The following CROCC2 variants were observed in gnomAD, a reference collection of about 807,000 sequenced individuals.
The protein encoded by CROCC2 is ciliary rootlet coiled-coil, rootletin family member 2, also known as ciliary rootlet coiled-coil protein 2.
CROCC2 carries 163 observed loss-of-function variants against 177.6 expected under a neutral mutation model. That is an observed-to-expected ratio of 0.92 (90% CI 0.81 to 1.05). CROCC2 has a LOEUF of 1.05. CROCC2 is among the 50% of genes least tolerant of loss of function. The probability of loss-of-function intolerance (pLI) is 0.00; values close to 1 mark genes in which losing one functional copy is unlikely to be tolerated. For missense variants in CROCC2, 1,929 were observed against 1,797.8 expected (o/e 1.07, Z -1.32); for synonymous variants, 904 against 787.3 (o/e 1.15, Z -2.48).
At chr2:240,932,186 C>T (rs2106460719) in intron 7 of CROCC2, 132 bp from the exon 8 acceptor site, 2 of 614,048 alleles carry the variant, frequency 3.3e-6, no homozygotes, top group Non-Finnish European at 6.0e-6. Context: ...ACAGAGGCCA[C>T]TCAGACGGAG....
chr2:240,981,814 AC>A (rs1412246259), intron 27 of CROCC2: 2 of 151,822 alleles, frequency 1.3e-5, no homozygotes, highest in Non-Finnish European at 2.9e-5. Context: ...CTCCCACAAA[AC>A]CCTCAGGAAG....
intron 30 of CROCC2, among the ~76,000 whole-genome samples, chr2:240,990,985 G>C (rs571560246): frequency 2.3e-4 from 35 of 152,262 alleles, no homozygotes; most frequent in Non-Finnish European, 4.1e-4. Flanking sequence ...GGGATCCGTG[G>C]TGAGAGGTGG....
At chr2:240,914,256 G>A (rs898461908) in intron 1 of CROCC2, among the ~76,000 whole-genome samples, 5 of 152,212 alleles carry the variant, frequency 3.3e-5, no homozygotes, top group African/African-American at 1.2e-4. Context: ...CTGCTGAGCA[G>A]GTGCTCTTGA....
intron 14 of CROCC2, among the ~76,000 whole-genome samples, chr2:240,942,391 T>C (rs1026289418): frequency 6.6e-6 from 1 of 152,230 alleles, no homozygotes. Context: ...ATTACAATAC[T>C]TTTTGGGTCT....
Position 240,935,587 on chromosome 2 carries a change from A to G in CROCC2, c.2168A>G (p.Gln723Arg). ...EKAQLQEQVGQVTCQKQALEE... is the reference protein window; with the variant it reads ...EKAQLQEQVGRVTCQKQALEE... ...GCCCAGCTCCAGGAGCAGGTGGGCC[A>G]GGTGAGGACGTCTGCAGGGCATGCT... The change falls in exon 14 of 32, where the codon CAG becomes CGG. Residue 723 changes from glutamine (Q) to arginine (R), a missense_variant and splice_region_variant. Around this residue, in one of 3 missense-constraint regions of CROCC2, gnomAD observed 1,397 missense variants for 1,239.9 expected, o/e 1.13. Transcript: ENST00000690015. 1 of 1,381,074 alleles carries G rather than the reference A, an allele frequency of 7.2e-7. No individual in the cohort carries two copies. Among genetic ancestry groups the G allele is most frequent in the Non-Finnish European group, 9.4e-7 (1 of 1,068,698 alleles). The allele number at this position is 1,381,074 out of a possible 1,614,324, so 85.6% of individuals were successfully genotyped here. A position where few individuals can be genotyped will look rare whatever the true frequency, so the allele number is the denominator to read the frequency against.
intron 27 of CROCC2, among the ~76,000 whole-genome samples, chr2:240,976,183 C>T (rs13015196): frequency 7.5e-6 from 1 of 133,980 alleles, no homozygotes; most frequent in Non-Finnish European, 1.7e-5. Context: ...AGCCCAGGCT[C>T]ATCCCTGCTC....
At chr2:240,912,531 C>T (rs1420238893) in intron 1 of CROCC2, among the ~76,000 whole-genome samples, 1 of 152,190 alleles carries the variant, frequency 6.6e-6, no homozygotes, top group East Asian at 1.9e-4. Flanking sequence ...GGAGAGGTGC[C>T]CAGGTCAAGG....
intron 5 of CROCC2, among the ~76,000 whole-genome samples, 185 bp from the exon 6 acceptor site, chr2:240,929,981 A>G (rs1308005309): frequency 6.6e-6 from 1 of 152,152 alleles, no homozygotes; most frequent in African/African-American, 2.4e-5. Flanking sequence ...GGGGAGGGGC[A>G]CAGTATGGCC....
At position 240,963,711 on chromosome 2, in the gene CROCC2, A is replaced by G; in HGVS notation, c.3243A>G (p.Val1081=). 6.5e-7 allele frequency: 1 copy of G among 1,550,304 alleles called. No individual in the cohort carries two copies. The highest frequency in any genetic ancestry group is 8.7e-7 in the Non-Finnish European group (1 of 1,146,818). ...ALSDEAREKD[V]LLLFNSELRA... is the part of the protein sequence containing the mutation. ...GTGACGAGGCCCGCGAGAAGGACGT[A>G]CTGTTGCTTTTCAACAGCGAGCTGC... Residue 1081 remains valine (V), a synonymous_variant, in exon 21 of 32, where the codon GTA becomes GTG. Transcript: ENST00000690015.
In CROCC2 at chr2:240,965,469, G is replaced by A. The variant is rs551979649; in HGVS notation, c.3554G>A (p.Arg1185Gln). ...TGCTCGCAGGAGGTGCTGGAGCTGC[G>A]GAGGCAGGCAGCCAAGGCAGAGGCC... Reference protein sequence around the residue: ...AQCSQEVLELRRQAAKAEAKH... With the variant: ...AQCSQEVLELQRQAAKAEAKH... Residue 1185 changes from arginine (R) to glutamine (Q), a missense_variant, in exon 23 of 32, where the codon CGG becomes CAG. Physicochemically the swap from Arg to Gln is conservative, Grantham distance 43. Transcript: ENST00000690015. 73 of 1,550,032 alleles carry A rather than the reference G, an allele frequency of 4.7e-5. 2 individuals carry two copies. Among genetic ancestry groups the A allele is most frequent in the South Asian group, 4.4e-4 (37 of 84,036 alleles).
chr2:240,969,319 A>C (rs1050012042), intron 27 of CROCC2, among the ~76,000 whole-genome samples: 1 of 152,200 alleles, frequency 6.6e-6, no homozygotes, highest in African/African-American at 2.4e-5. Flanking sequence ...GGCTGTCAGC[A>C]CTCAGACTAG....
At chr2:240,909,737 G>A (rs1379633576) in intron 1 of CROCC2, among the ~76,000 whole-genome samples, 3 of 152,200 alleles carry the variant, frequency 2.0e-5, no homozygotes, top group Non-Finnish European at 2.9e-5. Context: ...AGTCTGCTCT[G>A]CCCGCCCTGC....
chr2:240,945,962 C>G (rs1574767523), intron 14 of CROCC2, 98 bp from the exon 15 acceptor site: 1 of 924,386 alleles, frequency 1.1e-6, no homozygotes, highest in East Asian at 2.7e-5. Context: ...TGCATAAAAT[C>G]ACTTCTTCTG....
chr2:240,937,191 G>GTTGTGTT lies in CROCC2; in HGVS notation c.2169+1605_2169+1606insGTGTTTT, dbSNP rs1257844065. On this transcript the variant is annotated intron_variant, in intron 14 of 31. Transcript: ENST00000690015. ...CATTTGGTATTGTCTGTTTTTTTGG[G>GTTGTGTT]TTTTGTTTTTTGTTTTTTTAGCTAT... Among the ~76,000 whole-genome samples, 10 of 152,180 alleles carry GTTGTGTT rather than the reference G, an allele frequency of 6.6e-5. No individual in the cohort carries two copies. The East Asian group carries it at 1.7e-3, about 26-fold the overall frequency.
At chr2:240,969,657 A>G (rs2059708324) in intron 27 of CROCC2, among the ~76,000 whole-genome samples, 1 of 152,336 alleles carries the variant, frequency 6.6e-6, no homozygotes, top group East Asian at 1.9e-4. Flanking sequence ...GTGTATAGTC[A>G]CATGTATGTC....
intron 20 of CROCC2, among the ~76,000 whole-genome samples, chr2:240,961,009 G>T (rs1240197930): frequency 4.0e-5 from 6 of 151,850 alleles, no homozygotes; most frequent in African/African-American, 1.5e-4. Flanking sequence ...GGAAGGTCAG[G>T]CTCTCAGAGG....
At position 240,917,114 on chromosome 2, in the gene CROCC2, G is replaced by A. The variant is rs1332404035; in HGVS notation, c.79-1612G>A. Among the ~76,000 whole-genome samples the A allele has an allele frequency of 2.3e-4, 35 of 152,208 alleles. No individual in the cohort carries two copies. Among genetic ancestry groups the A allele is most frequent in the Non-Finnish European group, 8.8e-5 (6 of 68,026 alleles). On this transcript the variant is annotated intron_variant, in intron 1 of 31. Coordinates refer to ENST00000690015, the MANE Select transcript of CROCC2 (RefSeq NM_001351305.2). This position sits in a 1 kb window ranked among gnomAD's most constrained non-coding sequence, Gnocchi z 4.9. ...GAAGGCGCCTCCCAAGACCTCCCAG[G>A]GGACTGAGAGACAGACCCTGGTGCA...
intron 18 of CROCC2, among the ~76,000 whole-genome samples, chr2:240,951,825 A>G (rs1359509506): frequency 6.6e-6 from 1 of 152,192 alleles, no homozygotes; most frequent in East Asian, 1.9e-4. Flanking sequence ...CCATCAGTGT[A>G]TCCAACTCAA....
chr2:240,941,722 CACAA>C (rs144258105), intron 14 of CROCC2, among the ~76,000 whole-genome samples: 173 of 152,314 alleles, frequency 1.1e-3, no homozygotes, highest in Non-Finnish European at 2.0e-3. Flanking sequence ...TATATTACTT[CACAA>C]ACAATGTAAG....
Sources: gnomAD v4.1 joint callset for allele counts (sites outside exome capture counted in the v4.1 genomes callset) on GRCh38, gnomAD v4.1.1 for gene constraint, gnomAD v4.1.1 regional missense constraint, Gnocchi (gnomAD v3.1) non-coding constraint, MANE v1.5 for transcripts, NCBI Gene and HGNC (gene_info 2026-07-23, HGNC 2026-07-21) for gene names.